SGCD: variants seen among roughly 807,000 people sequenced by gnomAD.
The protein encoded by SGCD is sarcoglycan delta.
SGCD carries 18 observed loss-of-function variants against 36.6 expected under a neutral mutation model. The observed-to-expected ratio is 0.49, with a 90% CI of 0.34 to 0.73. The LOEUF (loss-of-function observed/expected upper bound fraction) is 0.73. Among genes scored for constraint, SGCD ranks in the 30% least tolerant of loss-of-function variants. The pLI is 0.01. For synonymous variants in SGCD, 133 were observed against 130.6 expected (o/e 1.02, Z -0.12); for missense variants, 387 against 346.7 (o/e 1.12, Z -0.92).
chr5:156,181,946 G>A (rs59484684), intron 3 of SGCD, among the ~76,000 whole-genome samples: 44,692 of 152,078 alleles, frequency 0.29, 7,020 homozygotes, highest in East Asian at 0.57. Flanking sequence ...AAGGCATCTG[G>A]GAGTCTTCTC....
At chr5:156,736,984 T>C (rs1271093812) in intron 7 of SGCD, among the ~76,000 whole-genome samples, 1 of 152,152 alleles carries the variant, frequency 6.6e-6, no homozygotes, top group Non-Finnish European at 1.5e-5. Flanking sequence ...GATCCTGAAA[T>C]GGGTAATATA....
At chr5:155,916,283 AG>A (rs1203706723) in intron 1 of SGCD, among the ~76,000 whole-genome samples, 3 of 152,178 alleles carry the variant, frequency 2.0e-5, no homozygotes, top group African/African-American at 7.2e-5. Flanking sequence ...AAAACAGAAA[AG>A]GTAGCTGTAC....
intron 3 of SGCD, among the ~76,000 whole-genome samples, chr5:156,126,109 G>C (rs1762166019): frequency 2.0e-5 from 3 of 151,932 alleles, no homozygotes; most frequent in Non-Finnish European, 2.9e-5. Context: ...TCGAACTCCT[G>C]AACTCAAGTG....
intron 3 of SGCD, among the ~76,000 whole-genome samples, chr5:156,475,754 C>A (rs1015235908): frequency 6.6e-6 from 1 of 152,130 alleles, no homozygotes; most frequent in Non-Finnish European, 1.5e-5. Context: ...TGGTTTCAGG[C>A]CCCCCAACTC....
At chr5:156,043,892 T>A (rs1759698496) in intron 1 of SGCD, among the ~76,000 whole-genome samples, 1 of 152,128 alleles carries the variant, frequency 6.6e-6, no homozygotes, top group East Asian at 1.9e-4. Flanking sequence ...AATCTGTCAG[T>A]TAATCAACAA....
chr5:155,999,755 A>G (rs1758626432), intron 1 of SGCD, among the ~76,000 whole-genome samples: 1 of 152,226 alleles, frequency 6.6e-6, no homozygotes, highest in South Asian at 2.1e-4. Context: ...AGATGGGTAA[A>G]TGTCCTTCTA....
Position 156,743,897 on chromosome 5 carries a change from G to GGA in SGCD, c.576-13684_576-13683insGA, listed in dbSNP as rs566848216. On this transcript the variant is annotated intron_variant, in intron 7 of 8. Coordinates refer to ENST00000337851, the MANE Select transcript of SGCD (RefSeq NM_000337.6). ...CTTAAAAGTAGAACTTATATAATTA[G>GGA]AGAAGATTATGTTCCTTCTTCCTAT... Among the ~76,000 whole-genome samples the GGA allele has an allele frequency of 6.8e-3, 1,031 of 152,324 alleles. 5 individuals are homozygous for GGA. The highest frequency in any genetic ancestry group is 0.012 in the Non-Finnish European group (786 of 68,032).
intron 3 of SGCD, among the ~76,000 whole-genome samples, chr5:156,394,499 C>CA (rs1212734027): frequency 2.6e-5 from 4 of 152,068 alleles, no homozygotes; most frequent in Non-Finnish European, 5.9e-5. Context: ...TACTTATCCA[C>CA]AAAAAGGACA....
At chr5:156,498,224 G>T in intron 3 of SGCD, among the ~76,000 whole-genome samples, 1 of 128,962 alleles carries the variant, frequency 7.8e-6, no homozygotes, top group East Asian at 2.1e-4. Context: ...CTCTTGAATT[G>T]GATTGCTTTT....
At chr5:156,365,819 TAC>T (rs1424840501) in intron 3 of SGCD, among the ~76,000 whole-genome samples, 1 of 152,192 alleles carries the variant, frequency 6.6e-6, no homozygotes, top group Non-Finnish European at 1.5e-5. Flanking sequence ...ATGTAAAATA[TAC>T]AGATATATTT....
At chr5:156,685,381 C>A (rs1025238697) in intron 7 of SGCD, among the ~76,000 whole-genome samples, 1 of 152,156 alleles carries the variant, frequency 6.6e-6, no homozygotes. Flanking sequence ...TCTATTTTGT[C>A]CTGGATCCTT....
chr5:156,292,252 C>T (rs1370145814), intron 3 of SGCD, among the ~76,000 whole-genome samples: 2 of 152,106 alleles, frequency 1.3e-5, no homozygotes, highest in Admixed American at 6.6e-5. Context: ...TTGCAAAACT[C>T]AAACCCTATA....
At chr5:155,974,094 A>G (rs1005773105) in intron 1 of SGCD, among the ~76,000 whole-genome samples, 3 of 152,142 alleles carry the variant, frequency 2.0e-5, no homozygotes, top group Non-Finnish European at 4.4e-5. Flanking sequence ...TATCTTCTAC[A>G]TCTCAATCTT....
At chr5:156,410,611 T>C (rs1175427264) in intron 3 of SGCD, among the ~76,000 whole-genome samples, 1 of 152,222 alleles carries the variant, frequency 6.6e-6, no homozygotes, top group South Asian at 2.1e-4. Flanking sequence ...TAGTGCCTGC[T>C]ACAGAGTTCC....
intron 1 of SGCD, among the ~76,000 whole-genome samples, chr5:156,008,094 T>C (rs1478982437): frequency 6.6e-6 from 1 of 152,214 alleles, no homozygotes; most frequent in African/African-American, 2.4e-5. Context: ...GTTGTGCTAG[T>C]GTCCTATGGC....
intron 3 of SGCD, among the ~76,000 whole-genome samples, chr5:156,426,357 G>T (rs1773670497): frequency 6.6e-6 from 1 of 151,728 alleles, no homozygotes. Flanking sequence ...ATGTTCATTG[G>T]CCATTTGTAT....
intron 3 of SGCD, among the ~76,000 whole-genome samples, chr5:156,372,080 A>G (rs970936323): frequency 6.6e-6 from 1 of 152,202 alleles, no homozygotes; most frequent in Non-Finnish European, 1.5e-5. Context: ...AGGTCTCAAG[A>G]CAATTGAGGC....
intron 3 of SGCD, among the ~76,000 whole-genome samples, chr5:156,369,673 G>A (rs190294124): frequency 5.3e-4 from 80 of 152,274 alleles, no homozygotes; most frequent in African/African-American, 1.9e-3. Flanking sequence ...AAGAAAGGTA[G>A]GGGAGAGAGT....
intron 3 of SGCD, among the ~76,000 whole-genome samples, chr5:156,425,108 A>G (rs1773615616): frequency 6.6e-6 from 1 of 152,094 alleles, no homozygotes; most frequent in Admixed American, 6.6e-5. Flanking sequence ...AGCCAACCTT[A>G]TAAGCAACCC....
Sources: allele counts gnomAD v4.1 joint callset (sites outside exome capture counted in the v4.1 genomes callset), GRCh38; gene constraint gnomAD v4.1.1; transcripts MANE v1.5; gene names NCBI Gene and HGNC (gene_info 2026-07-23, HGNC 2026-07-21).